The following RASSF5 variants were observed in gnomAD, a reference collection of about 807,000 sequenced individuals.
RASSF5 encodes Ras association domain family member 5, also known as ras association domain-containing protein 5.
RASSF5 carries 25 observed loss-of-function variants against 40.5 expected under a neutral mutation model. That is an observed-to-expected ratio of 0.62 (90% CI 0.45 to 0.86). RASSF5 has a LOEUF of 0.86. Ranked by LOEUF, RASSF5 falls within the 40% of genes least tolerant of loss-of-function variation. The pLI, the probability that RASSF5 is intolerant of heterozygous loss-of-function variation, is 0.00. For missense variants in RASSF5, 521 were observed against 572.8 expected (o/e 0.91, Z 0.92); for synonymous variants, 246 against 252.4 (o/e 0.97, Z 0.24).
chr1:206,578,257 T>TGC (rs1336893783), intron 2 of RASSF5, among the ~76,000 whole-genome samples: 118 of 151,448 alleles, frequency 7.8e-4, no homozygotes, highest in African/African-American at 2.4e-3. Flanking sequence ...TGTGTGTGTG[T>TGC]GTGTGTAAGT....
intron 2 of RASSF5, among the ~76,000 whole-genome samples, chr1:206,582,953 T>C (rs1223674234): frequency 1.3e-5 from 2 of 152,180 alleles, no homozygotes; most frequent in South Asian, 2.1e-4. Context: ...ACCAGATTCA[T>C]AGTCAGTGCC....
intron 1 of RASSF5, among the ~76,000 whole-genome samples, chr1:206,518,834 G>C (rs527785566): frequency 6.6e-6 from 1 of 151,124 alleles, no homozygotes; most frequent in East Asian, 1.9e-4. Flanking sequence ...AGGGCCAAGC[G>C]GTCGTCTTAA....
At chr1:206,528,341 T>C (rs369745305) in intron 1 of RASSF5, among the ~76,000 whole-genome samples, 3 of 152,102 alleles carry the variant, frequency 2.0e-5, no homozygotes, top group African/African-American at 7.2e-5. Flanking sequence ...TCCAACTATA[T>C]GATATTCTGG....
rs747172885 is a variant in RASSF5 at position 206,508,025 on chromosome 1, A to G, written c.423A>G (p.Gly141=). 2.2e-4 allele frequency: 312 copies of G among 1,439,578 alleles called. No homozygotes were observed. Among genetic ancestry groups the G allele is most frequent in the Non-Finnish European group, 2.8e-4 (304 of 1,096,520 alleles). The allele number at this position is 1,439,578 out of a possible 1,614,324, so 89.2% of individuals were successfully genotyped here. The change falls in exon 1 of 6, where the codon GGA becomes GGG. Residue 141 remains glycine (G), a synonymous_variant. Transcript: ENST00000579436. ...GCCCCGGCTGGTGTGACCTGTGCGGACGAGAGGTGCTGCGGCAGGCGCTGC... is the reference window on the plus strand; with the variant it reads ...GCCCCGGCTGGTGTGACCTGTGCGGGCGAGAGGTGCTGCGGCAGGCGCTGC... ...PGGPGWCDLC[G]REVLRQALRC...
At chr1:206,567,365 G>A (rs145017336) in intron 2 of RASSF5, among the ~76,000 whole-genome samples, 3 of 152,302 alleles carry the variant, frequency 2.0e-5, no homozygotes, top group African/African-American at 4.8e-5. Context: ...GCAGATTGGG[G>A]AGGAAGAAAC....
chr1:206,546,027 G>A (rs1193157042), intron 2 of RASSF5, among the ~76,000 whole-genome samples: 5 of 141,086 alleles, frequency 3.5e-5, no homozygotes, highest in Non-Finnish European at 6.1e-5. Flanking sequence ...CTCGGCTCAC[G>A]ATATAGCTAG....
intron 2 of RASSF5, among the ~76,000 whole-genome samples, chr1:206,567,615 A>G (rs1219077625): frequency 6.6e-6 from 1 of 152,032 alleles, no homozygotes; most frequent in Non-Finnish European, 1.5e-5. Flanking sequence ...TCCCTCTGTA[A>G]GACGGGAAGA....
At chr1:206,558,900 G>A (rs1485844676) in intron 2 of RASSF5, among the ~76,000 whole-genome samples, 1 of 152,160 alleles carries the variant, frequency 6.6e-6, no homozygotes, top group Non-Finnish European at 1.5e-5. Flanking sequence ...TGGGGCTCCT[G>A]CAGAACACCG....
chr1:206,537,204 T>C (rs1667439398), intron 1 of RASSF5, among the ~76,000 whole-genome samples: 1 of 152,196 alleles, frequency 6.6e-6, no homozygotes, highest in African/African-American at 2.4e-5. Context: ...CTGGCCTCAG[T>C]TTCCCCATCT....
At chr1:206,567,240 T>A (rs1668313940) in intron 2 of RASSF5, among the ~76,000 whole-genome samples, 1 of 152,162 alleles carries the variant, frequency 6.6e-6, no homozygotes, top group Non-Finnish European at 1.5e-5. Context: ...GGCGTGGGTC[T>A]TCTGTCTTCC....
chr1:206,519,941 G>A (rs1553395860), intron 1 of RASSF5, among the ~76,000 whole-genome samples: 1 of 152,108 alleles, frequency 6.6e-6, no homozygotes, highest in East Asian at 1.9e-4. Flanking sequence ...ATTGGACACC[G>A]AGTTGCTCAA....
chr1:206,529,246 C>T (rs782154972), intron 1 of RASSF5: 18 of 1,253,930 alleles, frequency 1.4e-5, no homozygotes, highest in East Asian at 2.3e-5. Context: ...AAGCAGAGGC[C>T]GTTGGCCCAG....
intron 1 of RASSF5, among the ~76,000 whole-genome samples, chr1:206,512,762 AG>A (rs1666649862): frequency 1.3e-5 from 2 of 152,230 alleles, no homozygotes; most frequent in African/African-American, 2.4e-5. Context: ...TGAGCAGGTC[AG>A]GGGCCAGAGG....
intron 2 of RASSF5, among the ~76,000 whole-genome samples, chr1:206,547,101 T>C (rs1667713859): frequency 6.6e-6 from 1 of 152,310 alleles, no homozygotes; most frequent in South Asian, 2.1e-4. Flanking sequence ...TGAGACCCTG[T>C]CTCTATTTTA....
intron 2 of RASSF5, among the ~76,000 whole-genome samples, chr1:206,581,848 A>G (rs1668894564): frequency 1.3e-5 from 2 of 151,818 alleles, no homozygotes; most frequent in Admixed American, 1.3e-4. Flanking sequence ...TGGCTTGCTG[A>G]AGGGAGGAAG....
At chr1:206,517,346 C>T (rs944537971) in intron 1 of RASSF5, among the ~76,000 whole-genome samples, 1 of 151,992 alleles carries the variant, frequency 6.6e-6, no homozygotes, top group Admixed American at 6.5e-5. Flanking sequence ...GTGGTGGTGC[C>T]CACCTGTAGT....
chr1:206,546,710 A>G (rs1160807942), intron 2 of RASSF5, among the ~76,000 whole-genome samples: 54 of 152,254 alleles, frequency 3.5e-4, no homozygotes, highest in Admixed American at 6.5e-5. Context: ...ACCCTAGCCT[A>G]TCTTAAATGT....
At chr1:206,559,451 G>A (rs1217251055) in intron 2 of RASSF5, among the ~76,000 whole-genome samples, 4 of 152,204 alleles carry the variant, frequency 2.6e-5, no homozygotes, top group African/African-American at 4.8e-5. Flanking sequence ...GATGGGGTTG[G>A]TGTGGGGGAT....
intron 1 of RASSF5, among the ~76,000 whole-genome samples, chr1:206,516,446 C>T (rs1406473818): frequency 1.3e-5 from 2 of 152,006 alleles, no homozygotes; most frequent in African/African-American, 4.8e-5. Flanking sequence ...AAGGGATTTC[C>T]CCGCATTACA....
Sources: gnomAD v4.1 joint callset for allele counts (sites outside exome capture counted in the v4.1 genomes callset) on GRCh38, gnomAD v4.1.1 for gene constraint, MANE v1.5 for transcripts, NCBI Gene and HGNC (gene_info 2026-07-23, HGNC 2026-07-21) for gene names.